BZW1: variants seen among roughly 807,000 people sequenced by gnomAD.
BZW1 encodes the protein eIF5-mimic protein 2.
A neutral mutation model predicts 54.1 loss-of-function variants in BZW1; 3 were observed. The observed-to-expected ratio is 0.06, with a 90% confidence interval of 0.03 to 0.14. The LOEUF (loss-of-function observed/expected upper bound fraction) is 0.14. Ranked by LOEUF, BZW1 falls within the 10% of genes least tolerant of loss-of-function variation. The pLI, the probability that BZW1 is intolerant of heterozygous loss-of-function variation, is 1.00. For synonymous variants in BZW1, 152 were observed against 162.7 expected, an observed-to-expected ratio of 0.93 and a Z score of 0.50; for missense variants, 206 against 491.7, an observed-to-expected ratio of 0.42 and a Z score of 5.50.
At chr2:200,819,460 A>G (rs1489549053) in intron 9 of BZW1, among the ~76,000 whole-genome samples, 1 of 152,150 alleles carries the variant, frequency 6.6e-6, no homozygotes, top group Non-Finnish European at 1.5e-5. Flanking sequence ...GGTATTGGAA[A>G]ATAGGAATTT....
rs113514573 is a variant in BZW1 at position 200,826,047 on chromosome 2, A to G, written c.*3869A>G. The G allele has an allele frequency of 1.3e-5, 2 of 152,220 alleles. No homozygotes were observed. The highest frequency in any genetic ancestry group is 1.9e-4 in the East Asian group (1 of 5,198). The allele number at this position is 152,220 out of a possible 1,614,324, so 9.4% of individuals were successfully genotyped here. A position where few individuals can be genotyped will look rare whatever the true frequency, so the allele number is the denominator to read the frequency against. On this transcript the variant is annotated 3_prime_UTR_variant, in exon 12 of 12. Transcript: ENST00000409600. ...GCCTACAGGTTAAAATACCAGGAAT[A>G]AAAAGGTTTTCAGTGGACTTGATTT...
At chr2:200,820,878 C>G (rs1172282459) in intron 10 of BZW1, among the ~76,000 whole-genome samples, 1 of 152,158 alleles carries the variant, frequency 6.6e-6, no homozygotes, top group African/African-American at 2.4e-5. Flanking sequence ...TTATATTGTT[C>G]CCTTTTCTCC....
At chr2:200,821,357 C>G (rs375630241) in intron 11 of BZW1, 52 bp downstream of exon 11, 34 of 1,598,946 alleles carry the variant, frequency 2.1e-5, no homozygotes, top group Non-Finnish European at 2.7e-5. Context: ...TTTAATGTGG[C>G]CATAATATAT....
rs780357777 is a variant in BZW1, at chr2:200,821,229, A to G, written c.1152A>G (p.Ala384=). Residue 384 remains alanine (A), a synonymous_variant, in exon 11 of 12, where the codon GCA becomes GCG. Coordinates refer to ENST00000409600, the MANE Select transcript of BZW1 (RefSeq NM_001207067.2). ...EEPILKWYKD[A]HVAKGKSVFL... Reference sequence around the variant, plus strand: ...CCATTTTGAAGTGGTATAAAGATGCACATGTTGCAAAGGGGAAGAGTGTTT... The same window carrying G: ...CCATTTTGAAGTGGTATAAAGATGCGCATGTTGCAAAGGGGAAGAGTGTTT... 9 of 1,612,490 alleles carry G rather than the reference A, an allele frequency of 5.6e-6. No homozygotes were observed. The highest frequency in any genetic ancestry group is 7.6e-6 in the Non-Finnish European group (9 of 1,179,686).
intron 10 of BZW1, among the ~76,000 whole-genome samples, chr2:200,820,712 CCAGA>C (rs1374005224): frequency 6.6e-6 from 1 of 152,016 alleles, no homozygotes; most frequent in Admixed American, 6.5e-5. Flanking sequence ...AGTCCCTTTT[CCAGA>C]CAGTCTGTAG....
intron 1 of BZW1, 189 bp from the exon 2 acceptor site, chr2:200,813,019 C>T (rs1192334680): frequency 2.9e-6 from 2 of 694,076 alleles, no homozygotes; most frequent in East Asian, 2.8e-5. Context: ...GAGAGAAATG[C>T]ACATTTTGAC....
rs1432272113 is a variant in BZW1, at chr2:200,815,498, G to C, written c.222G>C (p.Leu74=). ...RRYAETLFDI[L]VAGGMLAPGG... is the part of the protein sequence containing the mutation. Reference sequence around the variant, plus strand: ...ATGCAGAAACACTCTTTGACATTCTGGTGGCTGGTGGAATGCTGGGTAAGT... The same window carrying C: ...ATGCAGAAACACTCTTTGACATTCTCGTGGCTGGTGGAATGCTGGGTAAGT... Residue 74 remains leucine (L), a synonymous_variant, in exon 3 of 12, where the codon CTG becomes CTC. Transcript: ENST00000409600. 1 of 1,613,786 alleles carries C rather than the reference G, an allele frequency of 6.2e-7. No homozygotes were observed. The highest frequency in any genetic ancestry group is 1.3e-5 in the African/African-American group (1 of 74,908).
intron 1 of BZW1, chr2:200,812,783 C>G (rs139532024): frequency 2.8e-6 from 2 of 703,598 alleles, no homozygotes; most frequent in Non-Finnish European, 5.3e-6. Context: ...AAGGGGTTCA[C>G]CTTTTGACAG....
chr2:200,822,005 G>T (rs151240779), intron 11 of BZW1, 142 bp from the exon 12 acceptor site: 70 of 700,000 alleles, frequency 1.0e-4, no homozygotes, highest in Non-Finnish European at 1.5e-4. Context: ...GGAGGCAGAG[G>T]TTGCAGTGAG....
intron 1 of BZW1, 64 bp downstream of exon 1, chr2:200,812,054 A>G: frequency 2.4e-6 from 1 of 419,720 alleles, no homozygotes; most frequent in Non-Finnish European, 4.0e-6. Context: ...GGGCAGAGGG[A>G]GAGGGAGGCG....
At chr2:200,819,205 A>G (rs2038411268) in intron 9 of BZW1, 1 of 299,398 alleles carries the variant, frequency 3.3e-6, no homozygotes, top group Non-Finnish European at 6.2e-6. Flanking sequence ...CCTGGGCAAC[A>G]TAGTGAGACC....
intron 1 of BZW1, 103 bp from the exon 2 acceptor site, chr2:200,813,105 G>T (rs2038151353): frequency 2.2e-6 from 2 of 901,044 alleles, no homozygotes; most frequent in East Asian, 5.2e-5. Flanking sequence ...CCTGAGAGTG[G>T]GTGTTCCATT....
chr2:200,817,894 A>G (rs1422250449), intron 6 of BZW1, 80 bp from the exon 7 acceptor site: 3 of 978,130 alleles, frequency 3.1e-6, no homozygotes, highest in African/African-American at 3.3e-5. Flanking sequence ...TGATTGAACT[A>G]TGAAGGGAAG....
Position 200,815,658 on chromosome 2 carries a change from C to A in BZW1, c.242-9C>A. 4 of 1,588,464 alleles carry A rather than the reference C, an allele frequency of 2.5e-6. No individual in the cohort carries two copies. Among genetic ancestry groups the A allele is most frequent in the Non-Finnish European group, 2.6e-6 (3 of 1,166,726 alleles). On this transcript the variant is annotated splice_polypyrimidine_tract_variant and intron_variant, in intron 3 of 11. Transcript: ENST00000409600. ...GGTTTTGTTGTATTTTGGTTTTATC[C>A]AACTTTAGCCCCAGGTGGTACACTG... is the stretch of plus-strand genomic sequence containing the variant.
intron 1 of BZW1, 104 bp downstream of exon 1, chr2:200,812,094 G>A (rs890713236): frequency 6.7e-6 from 4 of 595,936 alleles, no homozygotes; most frequent in Non-Finnish European, 7.3e-6. Flanking sequence ...GCTTGGATGG[G>A]CCCGAACGGA....
Position 200,812,045 on chromosome 2 carries a change from G to A in BZW1, c.-11+55G>A, listed in dbSNP as rs540042940. On this transcript the variant is annotated intron_variant, in intron 1 of 11. Transcript: ENST00000409600. ...CGGACGCTGCGGGTCGTGGACGCCG[G>A]GCAGAGGGAGAGGGAGGCGGCGGGC... 1.7e-3 allele frequency: 706 copies of A among 415,182 alleles called. 4 individuals carry two copies. The highest frequency in any genetic ancestry group is 2.5e-3 in the Middle Eastern group (4 of 1,572). 25.7% of individuals were successfully genotyped at this position (415,182 alleles called of 1,614,324 possible).
chr2:200,813,389 C>G (rs2038162117), intron 2 of BZW1, 108 bp downstream of exon 2: 1 of 958,680 alleles, frequency 1.0e-6, no homozygotes, highest in Admixed American at 2.7e-5. Context: ...AAGAAGATAC[C>G]AGAAAGAAAC....
At chr2:200,820,865 C>T (rs1345577049) in intron 10 of BZW1, among the ~76,000 whole-genome samples, 4 of 152,184 alleles carry the variant, frequency 2.6e-5, no homozygotes, top group African/African-American at 9.7e-5. Flanking sequence ...ACCCCAATTT[C>T]AGTTATATTG....
intron 4 of BZW1, 113 bp from the exon 5 acceptor site, chr2:200,816,212 A>C (rs538767127): frequency 6.3e-6 from 4 of 633,668 alleles, no homozygotes; most frequent in Admixed American, 3.4e-5. Flanking sequence ...GTCACTAGGA[A>C]TTCTTCTCAA....
Sources: gnomAD v4.1 joint callset for allele counts (sites outside exome capture counted in the v4.1 genomes callset) on GRCh38, gnomAD v4.1.1 for gene constraint, MANE v1.5 for transcripts, NCBI Gene and HGNC (gene_info 2026-07-23, HGNC 2026-07-21) for gene names.